The following ZNF804B variants were observed in gnomAD, a reference collection of about 807,000 sequenced individuals.
The protein encoded by ZNF804B is zinc finger protein 804B.
In ZNF804B, 80 loss-of-function variants were observed where a neutral mutation model predicts 101.4. The observed-to-expected ratio is 0.79, with a 90% CI of 0.66 to 0.95. The LOEUF is 0.95. Ranked by LOEUF, ZNF804B falls within the 40% of genes least tolerant of loss-of-function variation. The pLI is 0.00. For missense variants in ZNF804B, 1,673 were observed against 1,561.9 expected (o/e 1.07, Z -1.20); for synonymous variants, 622 against 558.8 (o/e 1.11, Z -1.59).
intron 2 of ZNF804B, among the ~76,000 whole-genome samples, chr7:89,221,737 T>C (rs934329884): frequency 3.4e-5 from 5 of 146,846 alleles, no homozygotes; most frequent in African/African-American, 1.3e-4. Flanking sequence ...TTCTATTCTA[T>C]TCTATTCTAT....
At chr7:89,053,218 T>G (rs1472264229) in intron 1 of ZNF804B, among the ~76,000 whole-genome samples, 1 of 152,190 alleles carries the variant, frequency 6.6e-6, no homozygotes. Context: ...GACATTACTG[T>G]AGTCAAAACT....
At chr7:89,277,811 C>A (rs1484590130) in intron 2 of ZNF804B, among the ~76,000 whole-genome samples, 1 of 151,898 alleles carries the variant, frequency 6.6e-6, no homozygotes, top group Non-Finnish European at 1.5e-5. Flanking sequence ...AATAAACATA[C>A]GTGTGCATGT....
At position 88,760,182 on chromosome 7, in the gene ZNF804B, G is replaced by A; in HGVS notation, c.108+98G>A. ...AGTATCCTGATACAATGAGTAGGTG[G>A]TGGACATCTAAAACGTATACCTTAT... On this transcript the variant is annotated intron_variant, in intron 1 of 3. Coordinates refer to ENST00000333190, the MANE Select transcript of ZNF804B (RefSeq NM_181646.5). The A allele has an allele frequency of 3.0e-6, 3 of 994,458 alleles. No homozygotes were observed. In the South Asian group the frequency reaches 4.2e-5, roughly 14 times the overall value. The allele number at this position is 994,458 out of a possible 1,614,324, so 61.6% of individuals were successfully genotyped here.
chr7:88,904,466 T>A (rs1003532762), intron 1 of ZNF804B, among the ~76,000 whole-genome samples: 2 of 152,036 alleles, frequency 1.3e-5, no homozygotes, highest in Non-Finnish European at 2.9e-5. Context: ...AATTAAAAAA[T>A]TTTTTTTCTA....
chr7:89,139,646 A>T (rs1004674091), intron 1 of ZNF804B, among the ~76,000 whole-genome samples: 1 of 152,094 alleles, frequency 6.6e-6, no homozygotes, highest in African/African-American at 2.4e-5. Context: ...TTGCTCATCC[A>T]TAAAAAAACA....
At chr7:89,105,654 G>A (rs1200472646) in intron 1 of ZNF804B, among the ~76,000 whole-genome samples, 1 of 152,022 alleles carries the variant, frequency 6.6e-6, no homozygotes, top group Non-Finnish European at 1.5e-5. Context: ...GTAACCAAAG[G>A]TACGGGGCTT....
chr7:88,885,325 G>C (rs1250519715), intron 1 of ZNF804B, among the ~76,000 whole-genome samples: 1 of 151,568 alleles, frequency 6.6e-6, no homozygotes, highest in Non-Finnish European at 1.5e-5. Flanking sequence ...GAGATCACTA[G>C]CTTGTATTTA....
chr7:89,266,528 A>G lies in ZNF804B; in HGVS notation c.249+48233A>G, dbSNP rs1399378576. Among the ~76,000 whole-genome samples, 12 of 152,200 alleles carry G rather than the reference A, an allele frequency of 7.9e-5. No homozygotes were observed. In the East Asian group the frequency reaches 2.3e-3, roughly 29 times the overall value. On this transcript the variant is annotated intron_variant, in intron 2 of 3. Coordinates refer to ENST00000333190, the MANE Select transcript of ZNF804B (RefSeq NM_181646.5). ...AAACTATAATATGATTTCCTGTAAG[A>G]TACAGTTTTTCATATAAAAACCAAA...
chr7:89,100,327 G>C (rs960069499), intron 1 of ZNF804B, among the ~76,000 whole-genome samples: 1 of 152,106 alleles, frequency 6.6e-6, no homozygotes, highest in African/African-American at 2.4e-5. Context: ...ATGTATTGAA[G>C]ACTTAAATCG....
intron 2 of ZNF804B, among the ~76,000 whole-genome samples, chr7:89,233,500 G>A (rs1345310569): frequency 6.6e-6 from 1 of 152,042 alleles, no homozygotes; most frequent in Non-Finnish European, 1.5e-5. Context: ...CATTTTGTTT[G>A]CATTTTAAAG....
At chr7:88,958,705 T>C (rs1340374489) in intron 1 of ZNF804B, among the ~76,000 whole-genome samples, 2 of 151,442 alleles carry the variant, frequency 1.3e-5, no homozygotes, top group African/African-American at 2.4e-5. Flanking sequence ...TCAGATTTAA[T>C]GTCACATCGA....
chr7:89,211,238 T>C (rs911832855), intron 1 of ZNF804B, among the ~76,000 whole-genome samples: 1 of 152,352 alleles, frequency 6.6e-6, no homozygotes, highest in African/African-American at 2.4e-5. Context: ...AGATTCTGGA[T>C]ATTAGACTTT....
chr7:89,045,903 GTGAGGAGA>G (rs1019503390), intron 1 of ZNF804B, among the ~76,000 whole-genome samples: 3 of 152,250 alleles, frequency 2.0e-5, no homozygotes, highest in African/African-American at 7.2e-5. Flanking sequence ...CTTTTGAAAT[GTGAGGAGA>G]TGAGATTTCA....
intron 1 of ZNF804B, among the ~76,000 whole-genome samples, chr7:89,052,323 C>T (rs1248237211): frequency 6.6e-6 from 1 of 151,760 alleles, no homozygotes; most frequent in East Asian, 1.9e-4. Flanking sequence ...AATTGTTTAC[C>T]ATCAGTTTTA....
At chr7:89,249,356 C>A (rs1017621954) in intron 2 of ZNF804B, among the ~76,000 whole-genome samples, 5 of 152,158 alleles carry the variant, frequency 3.3e-5, no homozygotes, top group Non-Finnish European at 4.4e-5. Flanking sequence ...ATAGATCATA[C>A]ACCAAGGTTG....
chr7:89,276,573 A>C (rs540206542), intron 2 of ZNF804B, among the ~76,000 whole-genome samples: 6 of 151,944 alleles, frequency 3.9e-5, no homozygotes, highest in Non-Finnish European at 8.8e-5. Context: ...ATATATTTTA[A>C]AATGCTATTT....
At chr7:89,219,641 T>C (rs986949369) in intron 2 of ZNF804B, among the ~76,000 whole-genome samples, 1 of 151,438 alleles carries the variant, frequency 6.6e-6, no homozygotes, top group African/African-American at 2.4e-5. Context: ...TACCACCGAC[T>C]GAGAAAAAAA....
At chr7:89,309,841 T>G (rs2115942201) in intron 2 of ZNF804B, among the ~76,000 whole-genome samples, 1 of 148,578 alleles carries the variant, frequency 6.7e-6, no homozygotes, top group South Asian at 2.2e-4. Context: ...TAACCCTTCC[T>G]TCTGGCATCA....
At chr7:89,125,033 T>G (rs76941026) in intron 1 of ZNF804B, among the ~76,000 whole-genome samples, 2 of 139,450 alleles carry the variant, frequency 1.4e-5, no homozygotes, top group African/African-American at 3.0e-5. Context: ...CAATTGTTGT[T>G]TTTTTTTTTT....
Sources: gnomAD v4.1 joint callset for allele counts (sites outside exome capture counted in the v4.1 genomes callset) on GRCh38, gnomAD v4.1.1 for gene constraint, MANE v1.5 for transcripts, NCBI Gene and HGNC (gene_info 2026-07-23, HGNC 2026-07-21) for gene names.